NTN1: variants seen among roughly 807,000 people sequenced by gnomAD.
NTN1 encodes the protein netrin 1, also known as netrin-1.
Under a neutral mutation model 54.2 loss-of-function variants are expected in NTN1, and 11 were observed. The ratio of observed to expected loss-of-function variants is 0.20; its 90% CI spans 0.13 to 0.34. NTN1 has a LOEUF of 0.34. Ranked by LOEUF, NTN1 falls within the 10% of genes least tolerant of loss-of-function variation. The pLI is 1.00. For synonymous variants in NTN1, 371 were observed against 382.0 expected, an observed-to-expected ratio of 0.97 and a Z score of 0.33; for missense variants, 740 against 893.1, an observed-to-expected ratio of 0.83 and a Z score of 2.18.
chr17:9,115,935 C>T (rs1238819115), intron 2 of NTN1, among the ~76,000 whole-genome samples: 1 of 152,246 alleles, frequency 6.6e-6, no homozygotes, highest in African/African-American at 2.4e-5. Context: ...CTCCCATAAA[C>T]AAAACAAACA....
intron 2 of NTN1, among the ~76,000 whole-genome samples, chr17:9,138,907 T>TG (rs2092289312): frequency 6.6e-6 from 1 of 152,078 alleles, no homozygotes; most frequent in Admixed American, 6.5e-5. Flanking sequence ...GCTGGGTGGT[T>TG]GGGGCAGTGA....
intron 2 of NTN1, among the ~76,000 whole-genome samples, chr17:9,083,827 C>T (rs1318642020): frequency 6.6e-6 from 1 of 152,156 alleles, no homozygotes; most frequent in African/African-American, 2.4e-5. Flanking sequence ...TAATTCAAGC[C>T]ATTTTGGGTC....
chr17:9,017,994 G>A (rs2151504701), upstream of NTN1, among the ~76,000 whole-genome samples: 1 of 152,286 alleles, frequency 6.6e-6, no homozygotes, highest in East Asian at 1.9e-4. Flanking sequence ...CTGGTTTCAA[G>A]AATCTGAAGA....
intron 2 of NTN1, among the ~76,000 whole-genome samples, chr17:9,139,961 C>T (rs540645280): frequency 1.3e-5 from 2 of 152,238 alleles, no homozygotes; most frequent in Admixed American, 6.5e-5. Flanking sequence ...TCCATTCATT[C>T]ATCCATCTAT....
At chr17:9,008,665 C>T in the NTN1 span, among the ~76,000 whole-genome samples, 2 of 152,166 alleles carry the variant, frequency 1.3e-5, no homozygotes, top group African/African-American at 4.8e-5. Flanking sequence ...GCTTTGGACA[C>T]TTTAGGGTCT....
chr17:9,104,302 T>C (rs1256716334), intron 2 of NTN1, among the ~76,000 whole-genome samples: 1 of 152,110 alleles, frequency 6.6e-6, no homozygotes, highest in Non-Finnish European at 1.5e-5. Flanking sequence ...TGTGCAACAA[T>C]GTGAATGTAC....
chr17:9,224,827 C>G (rs1439548027), intron 6 of NTN1, among the ~76,000 whole-genome samples: 1 of 152,094 alleles, frequency 6.6e-6, no homozygotes, highest in African/African-American at 2.4e-5. Flanking sequence ...TGGGATCCCC[C>G]CTGGGAGCTG....
intron 2 of NTN1, among the ~76,000 whole-genome samples, chr17:9,053,522 C>T (rs1188327456): frequency 6.6e-6 from 1 of 152,256 alleles, no homozygotes; most frequent in Non-Finnish European, 1.5e-5. Context: ...GTGGACGTTG[C>T]TGTAGAACTT....
rs112558757 is a variant in NTN1 at position 9,115,313 on chromosome 17, G to C, written c.1019-47500G>C. Reference sequence around the variant, plus strand: ...TCAACTCTTTGGGGTGAGCAAATAGGCAATGGAGGTGGTTTTGAGGTGTTC... The same window carrying C: ...TCAACTCTTTGGGGTGAGCAAATAGCCAATGGAGGTGGTTTTGAGGTGTTC... On this transcript the variant is annotated intron_variant, in intron 2 of 6. Coordinates refer to ENST00000173229, the MANE Select transcript of NTN1 (RefSeq NM_004822.3). 9.3e-3 allele frequency among the ~76,000 whole-genome samples: 1,413 copies of C among 152,336 alleles called. 25 individuals are homozygous for C. The highest frequency in any genetic ancestry group is 0.032 in the African/African-American group (1,342 of 41,580).
At chr17:9,145,333 C>A (rs111669210) in intron 2 of NTN1, among the ~76,000 whole-genome samples, 1 of 152,182 alleles carries the variant, frequency 6.6e-6, no homozygotes, top group African/African-American at 2.4e-5. Context: ...AAAACATTTT[C>A]AAAGACTACC....
At chr17:9,138,642 G>A (rs978907619) in intron 2 of NTN1, among the ~76,000 whole-genome samples, 7 of 152,206 alleles carry the variant, frequency 4.6e-5, no homozygotes, top group Non-Finnish European at 8.8e-5. Flanking sequence ...GCTGACAGCC[G>A]CGTGCCGGGT....
intron 5 of NTN1, chr17:9,183,488 C>A (rs1025584862): frequency 5.3e-6 from 2 of 376,830 alleles, no homozygotes; most frequent in African/African-American, 2.1e-5. Flanking sequence ...CCGCAGCATG[C>A]GGCCAAGCCT....
chr17:9,117,851 A>T (rs1190979417), intron 2 of NTN1, among the ~76,000 whole-genome samples: 1 of 151,550 alleles, frequency 6.6e-6, no homozygotes, highest in Non-Finnish European at 1.5e-5. Context: ...GGTGGAGGAC[A>T]GATTCCACAG....
chr17:9,114,360 A>G (rs1019664699), intron 2 of NTN1, among the ~76,000 whole-genome samples: 35 of 151,378 alleles, frequency 2.3e-4, no homozygotes, highest in Admixed American at 2.2e-3. Flanking sequence ...TATAAGGTAT[A>G]TAAAAGTTAC....
intron 2 of NTN1, among the ~76,000 whole-genome samples, chr17:9,114,166 AATATAT>A (rs34188198): frequency 2.7e-5 from 2 of 74,658 alleles, no homozygotes; most frequent in African/African-American, 1.2e-4. Context: ...AAAAAAAAAA[AATATAT>A]ATATATATAT....
intron 5 of NTN1, among the ~76,000 whole-genome samples, chr17:9,208,663 T>A (rs1905027495): frequency 6.6e-6 from 1 of 152,192 alleles, no homozygotes; most frequent in African/African-American, 2.4e-5. Flanking sequence ...CTTCTCCTAA[T>A]ACCCAAGAGC....
At position 9,240,109 on chromosome 17, in the gene NTN1, G is replaced by A. The variant is rs1180619935; in HGVS notation, c.*141G>A. 2.4e-5 allele frequency: 6 copies of A among 253,344 alleles called. No homozygotes were observed. Among genetic ancestry groups the A allele is most frequent in the East Asian group, 1.6e-4 (1 of 6,144 alleles). The allele number at this position is 253,344 out of a possible 1,614,324, so 15.7% of individuals were successfully genotyped here. ...GGGAGGGGGCGGGGCCGCACGGCGC[G>A]GGGGGCGGGACCCTCGGCGGCCCCT... is the stretch of plus-strand genomic sequence containing the variant. On this transcript the variant is annotated 3_prime_UTR_variant, in exon 7 of 7. Coordinates refer to ENST00000173229, the MANE Select transcript of NTN1 (RefSeq NM_004822.3).
chr17:9,226,965 G>T (rs541932534), intron 6 of NTN1, among the ~76,000 whole-genome samples: 19 of 151,734 alleles, frequency 1.3e-4, no homozygotes, highest in African/African-American at 4.1e-4. Flanking sequence ...CCGAGGCCCC[G>T]CCTCACACCC....
At chr17:9,027,246 A>G (rs1294508990) in intron 2 of NTN1, among the ~76,000 whole-genome samples, 2 of 152,234 alleles carry the variant, frequency 1.3e-5, no homozygotes, top group African/African-American at 4.8e-5. Flanking sequence ...CATAATAATT[A>G]TTATGATTAT....
Sources: allele counts gnomAD v4.1 joint callset (sites outside exome capture counted in the v4.1 genomes callset), GRCh38; gene constraint gnomAD v4.1.1; transcripts MANE v1.5; gene names NCBI Gene and HGNC (gene_info 2026-07-23, HGNC 2026-07-21).